Variants in TRPS1 observed in about 807,000 individuals in gnomAD.
TRPS1 encodes transcriptional repressor GATA binding 1.
In TRPS1, 6 loss-of-function variants were observed where a neutral mutation model predicts 101.2. The ratio of observed to expected loss-of-function variants is 0.06; its 90% CI spans 0.03 to 0.12. The LOEUF is 0.12. Ranked by LOEUF, TRPS1 falls within the 10% of genes least tolerant of loss-of-function variation. The probability of loss-of-function intolerance (pLI) is 1.00; values close to 1 mark genes in which losing one functional copy is unlikely to be tolerated. For synonymous variants in TRPS1, 578 were observed against 589.8 expected (o/e 0.98, Z 0.29); for missense variants, 1,363 against 1,567.0 (o/e 0.87, Z 2.20).
intron 4 of TRPS1, among the ~76,000 whole-genome samples, chr8:115,589,332 A>C (rs1817633276): frequency 6.6e-6 from 1 of 152,180 alleles, no homozygotes; most frequent in Non-Finnish European, 1.5e-5. Context: ...AATGTTTATC[A>C]ATAACTTCAT....
Position 115,619,640 on chromosome 8 carries a change from G to T in TRPS1, c.458C>A (p.Ala153Asp), listed in dbSNP as rs749056825. 6.2e-7 allele frequency: 1 copy of T among 1,614,152 alleles called. No individual in the cohort carries two copies. The highest frequency in any genetic ancestry group is 8.5e-7 in the Non-Finnish European group (1 of 1,180,028). Reference sequence around the variant, plus strand: ...CAGTGAGTCCCCTGAGGGGGTGCAGGCCATATCTTGAGGGTCATCTGCCTC... The same window carrying T: ...CAGTGAGTCCCCTGAGGGGGTGCAGTCCATATCTTGAGGGTCATCTGCCTC... ...RAEADDPQDM[A>D]CTPSGDSLET... Residue 153 changes from alanine to aspartate, a missense_variant, in exon 3 of 7, where the codon GCC becomes GAC. Ala to Asp is a moderately radical substitution (Grantham distance 126). Around this residue, in one of 5 missense-constraint regions of TRPS1, gnomAD observed 1,020 missense variants for 1,073.0 expected, o/e 0.95. Transcript: ENST00000395715.
Position 115,587,211 on chromosome 8 carries a change from C to A in TRPS1, c.2490G>T (p.Val830=). Residue 830 remains valine, a synonymous_variant, in exon 5 of 7, where the codon GTG becomes GTT. Coordinates refer to ENST00000395715, the MANE Select transcript of TRPS1 (RefSeq NM_014112.5). ...TQASLGLLTP[V]SGTQEQTKTL... is the part of the protein sequence containing the mutation. ...TCTTTGTCTGCTCTTGGGTGCCAGA[C>A]ACAGGCGTCAGCAGCCCCAGGCTTG... 6.2e-7 allele frequency: 1 copy of A among 1,614,218 alleles called. No individual in the cohort carries two copies. The highest frequency in any genetic ancestry group is 8.5e-7 in the Non-Finnish European group (1 of 1,180,028).
At chr8:115,484,061 A>G (rs576868346) in intron 5 of TRPS1, among the ~76,000 whole-genome samples, 1 of 152,286 alleles carries the variant, frequency 6.6e-6, no homozygotes, top group Non-Finnish European at 1.5e-5. Context: ...AAATATAACA[A>G]TCTTCTTCTT....
At chr8:115,437,002 T>C (rs1005165448) in intron 5 of TRPS1, among the ~76,000 whole-genome samples, 1 of 152,186 alleles carries the variant, frequency 6.6e-6, no homozygotes, top group African/African-American at 2.4e-5. Context: ...AAGTTATCTG[T>C]CCAAAAGAGG....
chr8:115,641,308 C>A (rs1818889610), intron 1 of TRPS1, among the ~76,000 whole-genome samples: 1 of 152,314 alleles, frequency 6.6e-6, no homozygotes, highest in Non-Finnish European at 1.5e-5. Flanking sequence ...TTAGAAACTG[C>A]CGCATTGTTT....
At chr8:115,642,275 T>C (rs960839645) in intron 1 of TRPS1, among the ~76,000 whole-genome samples, 2 of 148,012 alleles carry the variant, frequency 1.4e-5, no homozygotes, top group African/African-American at 5.0e-5. Context: ...CACATACACA[T>C]TCAAGACACT....
In TRPS1 at chr8:115,526,932, C is replaced by G. The variant is rs544025051; in HGVS notation, c.2700+60069G>C. On this transcript the variant is annotated intron_variant, in intron 5 of 6. Transcript: ENST00000395715. ...TGGTTTAATTTCTAGGAGAGATACA[C>G]TGATGTGAGGCTTCCTTTCATAGAT... Among the ~76,000 whole-genome samples, 48 of 152,292 alleles carry G rather than the reference C, an allele frequency of 3.2e-4. No individual in the cohort carries two copies. In the South Asian group the frequency reaches 9.3e-3, roughly 30 times the overall value.
chr8:115,417,698 T>C (rs1034310311), intron 6 of TRPS1, among the ~76,000 whole-genome samples: 2 of 152,198 alleles, frequency 1.3e-5, no homozygotes, highest in Non-Finnish European at 2.9e-5. Flanking sequence ...GCTGGAGATC[T>C]TAAAAGACAA....
intron 5 of TRPS1, among the ~76,000 whole-genome samples, chr8:115,529,130 A>G (rs1420173282): frequency 1.3e-5 from 2 of 152,058 alleles, no homozygotes; most frequent in East Asian, 3.9e-4. Flanking sequence ...TACATGAAAA[A>G]CTGGCAAAAA....
chr8:115,538,957 A>G (rs1276163331), intron 5 of TRPS1, among the ~76,000 whole-genome samples: 1 of 152,222 alleles, frequency 6.6e-6, no homozygotes, highest in African/African-American at 2.4e-5. Context: ...CTTACCTTGC[A>G]TATCTACATC....
At chr8:115,471,539 C>T (rs1814469362) in intron 5 of TRPS1, among the ~76,000 whole-genome samples, 1 of 152,104 alleles carries the variant, frequency 6.6e-6, no homozygotes, top group Non-Finnish European at 1.5e-5. Flanking sequence ...TATCATTCTG[C>T]CCTGACCCCT....
At chr8:115,600,263 T>C (rs952042852) in intron 4 of TRPS1, among the ~76,000 whole-genome samples, 3 of 152,218 alleles carry the variant, frequency 2.0e-5, no homozygotes, top group Admixed American at 2.0e-4. Flanking sequence ...ACTGGGTATA[T>C]ACATCTATTA....
At chr8:115,626,797 C>T (rs1475416944) in intron 1 of TRPS1, among the ~76,000 whole-genome samples, 1 of 151,642 alleles carries the variant, frequency 6.6e-6, no homozygotes, top group Non-Finnish European at 1.5e-5. Flanking sequence ...ATTTAGATAT[C>T]CTATTTCAAA....
At chr8:115,665,743 T>TACCAA (rs1811906901) in intron 1 of TRPS1, among the ~76,000 whole-genome samples, 1 of 152,166 alleles carries the variant, frequency 6.6e-6, no homozygotes, top group Non-Finnish European at 1.5e-5. Flanking sequence ...CTCCTTACCT[T>TACCAA]TAACGTTACC....
chr8:115,615,939 A>C (rs909457529), intron 3 of TRPS1, among the ~76,000 whole-genome samples: 1 of 152,216 alleles, frequency 6.6e-6, no homozygotes, highest in Non-Finnish European at 1.5e-5. Flanking sequence ...AAGCATGACA[A>C]CTGATAGAAC....
At chr8:115,445,888 G>A (rs892230528) in intron 5 of TRPS1, among the ~76,000 whole-genome samples, 11 of 152,064 alleles carry the variant, frequency 7.2e-5, no homozygotes, top group Non-Finnish European at 1.3e-4. Context: ...TAACACGCCC[G>A]TCAAAATTTC....
In TRPS1 at chr8:115,619,975, G is replaced by A. The variant is rs775955097; in HGVS notation, c.123C>T (p.Ser41=). 1.2e-6 allele frequency: 2 copies of A among 1,613,976 alleles called. No homozygotes were observed. Among genetic ancestry groups the A allele is most frequent in the Non-Finnish European group, 1.7e-6 (2 of 1,180,034 alleles). The change falls in exon 3 of 7, where the codon AGC becomes AGT. Residue 41 remains serine (S), a synonymous_variant. Transcript: ENST00000395715. The part of the protein sequence containing the change: ...GQILEPIGTE[S]KVSGKNKEFS... The stretch of plus-strand genomic sequence containing the variant: ...ATTCTTTGTTCTTTCCAGATACCTT[G>A]CTTTCTGTACCTATAGGCTCCAGGA...
intron 4 of TRPS1, among the ~76,000 whole-genome samples, chr8:115,601,365 A>G (rs1440232370): frequency 1.3e-5 from 2 of 152,184 alleles, no homozygotes; most frequent in Non-Finnish European, 2.9e-5. Flanking sequence ...CTTTGATAGC[A>G]GATCAAGTTC....
rs149192615 is a variant in TRPS1 at position 115,460,308 on chromosome 8, T to TCA, written c.2701-41858_2701-41857dup. Among the ~76,000 whole-genome samples, 696 of 149,958 alleles carry TCA rather than the reference T, an allele frequency of 4.6e-3. 8 individuals carry two copies. The highest frequency in any genetic ancestry group is 0.015 in the African/African-American group (630 of 41,012). ...ATTTTAGTTTACCCAGTACATCAAG[T>TCA]CACACACACACACACACCCCACATT... On this transcript the variant is annotated intron_variant, in intron 5 of 6. Coordinates refer to ENST00000395715, the MANE Select transcript of TRPS1 (RefSeq NM_014112.5).
Sources: allele counts gnomAD v4.1 joint callset (sites outside exome capture counted in the v4.1 genomes callset), GRCh38; gene constraint gnomAD v4.1.1; regional missense constraint gnomAD v4.1.1; transcripts MANE v1.5; gene names NCBI Gene and HGNC (gene_info 2026-07-23, HGNC 2026-07-21).